MSRA: variants seen among roughly 807,000 people sequenced by gnomAD.
MSRA encodes the protein mitochondrial peptide methionine sulfoxide reductase.
MSRA carries 54 observed loss-of-function variants against 31.3 expected under a neutral mutation model. The observed-to-expected ratio is 1.73, with a 90% confidence interval of 1.39 to 2.17. The LOEUF is 2.17. Among genes scored for constraint, MSRA ranks in the 30% most tolerant of loss-of-function variants. The pLI is 0.00. For missense variants in MSRA, 507 were observed against 300.9 expected, an observed-to-expected ratio of 1.69 and a Z score of -5.07; for synonymous variants, 169 against 116.5, an observed-to-expected ratio of 1.45 and a Z score of -2.90.
At chr8:10,119,102 C>T (rs928883485) in intron 1 of MSRA, among the ~76,000 whole-genome samples, 3 of 152,194 alleles carry the variant, frequency 2.0e-5, no homozygotes, top group Non-Finnish European at 4.4e-5. Flanking sequence ...TTCTGTATAT[C>T]TGCATAGACT....
chr8:10,311,383 C>T (rs866524630), intron 4 of MSRA, among the ~76,000 whole-genome samples: 1 of 152,096 alleles, frequency 6.6e-6, no homozygotes, highest in Non-Finnish European at 1.5e-5. Context: ...AAAATGCGAG[C>T]TTTGAGAGCC....
chr8:10,393,567 C>T (rs977118167), intron 5 of MSRA, among the ~76,000 whole-genome samples: 2 of 152,160 alleles, frequency 1.3e-5, no homozygotes. Flanking sequence ...AGCTGGACGG[C>T]TGCCTGGCAG....
intron 1 of MSRA, among the ~76,000 whole-genome samples, chr8:10,178,487 GA>G (rs1563186507): frequency 6.6e-6 from 1 of 151,904 alleles, no homozygotes; most frequent in Non-Finnish European, 1.5e-5. Flanking sequence ...GAAAGTAATT[GA>G]AAAAAACTGC....
chr8:10,337,556 T>C (rs1803133783), intron 5 of MSRA: 4 of 618,104 alleles, frequency 6.5e-6, no homozygotes, highest in Admixed American at 2.7e-5. Flanking sequence ...AAGTCTGATA[T>C]ACATCAATCC....
intron 1 of MSRA, among the ~76,000 whole-genome samples, chr8:10,196,891 C>G (rs928609833): frequency 3.3e-5 from 5 of 152,036 alleles, no homozygotes; most frequent in African/African-American, 1.2e-4. Flanking sequence ...CCTTTATAAA[C>G]AAGAATAATA....
intron 1 of MSRA, among the ~76,000 whole-genome samples, chr8:10,196,716 AT>A (rs990813418): frequency 3.3e-5 from 5 of 150,910 alleles, no homozygotes; most frequent in South Asian, 2.1e-4. Flanking sequence ...TGCCCGGCTA[AT>A]TTTTTTTTAT....
At chr8:10,259,731 G>C (rs190323627) in intron 3 of MSRA, among the ~76,000 whole-genome samples, 1 of 152,220 alleles carries the variant, frequency 6.6e-6, no homozygotes, top group African/African-American at 2.4e-5. Flanking sequence ...CAGTCCAGGC[G>C]TGTGGGGGAG....
chr8:10,415,926 C>T (rs1427238513), intron 5 of MSRA, among the ~76,000 whole-genome samples: 1 of 152,086 alleles, frequency 6.6e-6, no homozygotes, highest in African/African-American at 2.4e-5. Flanking sequence ...ACTGTTTGCA[C>T]CTCCATTTCC....
intron 5 of MSRA, among the ~76,000 whole-genome samples, chr8:10,387,090 G>GCTGCTGCCTGCTGC (rs953310918): frequency 6.6e-6 from 1 of 152,128 alleles, no homozygotes; most frequent in African/African-American, 2.4e-5. Flanking sequence ...GGCAGCTGCT[G>GCTGCTGCCTGCTGC]CTGCTGCCTG....
intron 1 of MSRA, among the ~76,000 whole-genome samples, chr8:10,162,621 A>C (rs1235041542): frequency 6.6e-6 from 1 of 152,204 alleles, no homozygotes; most frequent in East Asian, 1.9e-4. Context: ...GGAAACCCGT[A>C]GCTCTGTGCC....
chr8:10,114,903 G>T (rs1168388680), intron 1 of MSRA, among the ~76,000 whole-genome samples: 1 of 152,138 alleles, frequency 6.6e-6, no homozygotes, highest in Non-Finnish European at 1.5e-5. Flanking sequence ...AAGTTCAACT[G>T]GAATGTTTAA....
intron 1 of MSRA, among the ~76,000 whole-genome samples, chr8:10,206,210 G>A (rs1210039600): frequency 6.6e-6 from 1 of 152,174 alleles, no homozygotes; most frequent in Non-Finnish European, 1.5e-5. Context: ...CGGAAGCTCA[G>A]CATGTTTATT....
At chr8:10,055,008 C>T (rs1209572935) in intron 1 of MSRA, among the ~76,000 whole-genome samples, 1 of 152,234 alleles carries the variant, frequency 6.6e-6, no homozygotes, top group Non-Finnish European at 1.5e-5. Context: ...GCGCCCGCGG[C>T]GCTGTGCCTG....
At chr8:10,375,170 C>A (rs547343324) in intron 5 of MSRA, among the ~76,000 whole-genome samples, 1 of 152,226 alleles carries the variant, frequency 6.6e-6, no homozygotes, top group Non-Finnish European at 1.5e-5. Context: ...TGTACAGCCA[C>A]AAATCTGCTC....
intron 2 of MSRA, among the ~76,000 whole-genome samples, chr8:10,240,503 G>C (rs2129079171): frequency 6.6e-6 from 1 of 152,268 alleles, no homozygotes; most frequent in South Asian, 2.1e-4. Flanking sequence ...GATGCCCTCT[G>C]GCTGGCATTA....
chr8:10,054,600 G>T lies in MSRA; in HGVS notation c.84G>T (p.Ser28=), dbSNP rs200141581. The T allele has an allele frequency of 9.5e-6, 15 of 1,580,306 alleles. No individual in the cohort carries two copies. The East Asian group carries it at 3.7e-4, about 39-fold the overall frequency. ...FPVPRMGNSA[S]NIVSPQEALP... Reference sequence around the variant, plus strand: ...TCCCGAGGATGGGCAACTCGGCCTCGAACATCGTCAGCCCCCAGGAGGCCT... The same window carrying T: ...TCCCGAGGATGGGCAACTCGGCCTCTAACATCGTCAGCCCCCAGGAGGCCT... Residue 28 remains serine, a synonymous_variant, in exon 1 of 6, where the codon TCG becomes TCT. Transcript: ENST00000317173.
At chr8:10,310,899 A>G (rs1801398975) in intron 4 of MSRA, among the ~76,000 whole-genome samples, 1 of 152,264 alleles carries the variant, frequency 6.6e-6, no homozygotes, top group South Asian at 2.1e-4. Context: ...TTACAATTTT[A>G]TAATCCTATT....
At chr8:10,137,207 T>G (rs1282778550) in intron 1 of MSRA, among the ~76,000 whole-genome samples, 2 of 152,216 alleles carry the variant, frequency 1.3e-5, no homozygotes, top group Non-Finnish European at 1.5e-5. Context: ...GACGTGAGTT[T>G]TCAAAAATAG....
Position 10,245,202 on chromosome 8 carries a change from A to T in MSRA, c.310A>T (p.Thr104Ser), listed in dbSNP as rs776427323. ...GFAGGYTSNPTYKEVCSEKTG... is the reference protein window; with the variant it reads ...GFAGGYTSNPSYKEVCSEKTG... ...TGCAGGAGGCTATACTTCAAATCCT[A>T]CTTATAAAGAAGTCTGCTCAGGTAG... The change falls in exon 3 of 6, where the codon ACT (threonine) becomes TCT (serine). Residue 104 changes from threonine to serine, a missense_variant. Transcript: ENST00000317173. 2 of 1,613,306 alleles carry T rather than the reference A, an allele frequency of 1.2e-6. No homozygotes were observed. Among genetic ancestry groups the T allele is most frequent in the Admixed American group, 3.3e-5 (2 of 60,016 alleles).
Sources: gnomAD v4.1 joint callset for allele counts (sites outside exome capture counted in the v4.1 genomes callset) on GRCh38, gnomAD v4.1.1 for gene constraint, MANE v1.5 for transcripts, NCBI Gene and HGNC (gene_info 2026-07-23, HGNC 2026-07-21) for gene names.